The following GPCPD1 variants were observed in gnomAD, a reference collection of about 807,000 sequenced individuals.
The protein encoded by GPCPD1 is glycerophosphocholine phosphodiesterase 1.
Under a neutral mutation model 89.2 loss-of-function variants are expected in GPCPD1, and 29 were observed. That is an observed-to-expected ratio of 0.33 (90% CI 0.24 to 0.44). The LOEUF (loss-of-function observed/expected upper bound fraction) is 0.44, where lower values mean the gene tolerates loss of function less well. Among genes scored for constraint, GPCPD1 ranks in the 20% least tolerant of loss-of-function variants. The pLI is 1.00. For synonymous variants in GPCPD1, 258 were observed against 266.3 expected, an observed-to-expected ratio of 0.97 and a Z score of 0.30; for missense variants, 594 against 808.9, an observed-to-expected ratio of 0.73 and a Z score of 3.22.
intron 2 of GPCPD1, 114 bp from the exon 3 acceptor site, chr20:5,598,935 A>G (rs1047110890): frequency 3.7e-5 from 26 of 708,266 alleles, no homozygotes; most frequent in Non-Finnish European, 5.8e-5. Context: ...GCAGAGATGA[A>G]AGAGCCTCAC....
rs886506484 is a variant in GPCPD1, at chr20:5,580,044, G to A, written c.437C>T (p.Ser146Leu). ...TTTTTTTAATTTTTTCTTGGTTATT[G>A]ACACAGGAGGTTTTTCAGAATAATG... The part of the protein sequence containing the change: ...RLHYSEKPPV[S>L]ITKKKLKKSR... The change falls in exon 7 of 20, where the codon TCA becomes TTA. Residue 146 changes from serine (S) to leucine (L), a missense_variant. Transcript: ENST00000379019. 6.6e-7 allele frequency: 1 copy of A among 1,522,128 alleles called. No individual in the cohort carries two copies. Among genetic ancestry groups the A allele is most frequent in the Non-Finnish European group, 9.1e-7 (1 of 1,098,310 alleles). 94.3% of individuals were successfully genotyped at this position (1,522,128 alleles called of 1,614,324 possible).
intron 8 of GPCPD1, among the ~76,000 whole-genome samples, chr20:5,576,592 T>C (rs934377660): frequency 8.5e-5 from 13 of 152,178 alleles, no homozygotes; most frequent in African/African-American, 2.2e-4. Context: ...TTTTAAAATA[T>C]ATATTTTTTT....
chr20:5,554,531 A>G (rs192459652), intron 19 of GPCPD1, among the ~76,000 whole-genome samples: 48 of 152,358 alleles, frequency 3.2e-4, no homozygotes, highest in African/African-American at 1.1e-3. Flanking sequence ...GAAATGCAAC[A>G]AAGTCTGGAT....
At chr20:5,558,175 A>C (rs186747158) in intron 18 of GPCPD1, 70 bp from the exon 19 acceptor site, 34 of 898,976 alleles carry the variant, frequency 3.8e-5, no homozygotes, top group Non-Finnish European at 5.5e-5. Context: ...TCACACTCTA[A>C]ATCAGTGCTC....
At chr20:5,575,737 T>C (rs187322313) in intron 9 of GPCPD1, 79 bp downstream of exon 9, 76 of 992,092 alleles carry the variant, frequency 7.7e-5, no homozygotes, top group Admixed American at 5.6e-4. Flanking sequence ...TTCATCTTTA[T>C]CATTATCAAA....
chr20:5,593,854 G>T (rs763973667), intron 3 of GPCPD1, among the ~76,000 whole-genome samples: 1 of 152,148 alleles, frequency 6.6e-6, no homozygotes, highest in Non-Finnish European at 1.5e-5. Context: ...ACTTAGCGAG[G>T]GATGTTACAT....
intron 12 of GPCPD1, among the ~76,000 whole-genome samples, chr20:5,568,224 T>TACTTAGTATATATATATATATAC (rs1270638992): frequency 7.4e-6 from 1 of 135,970 alleles, no homozygotes; most frequent in East Asian, 2.3e-4. Context: ...CCAACAAATA[T>TACTTAGTATATATATATATATAC]ACTTAGTATA....
At chr20:5,584,107 T>C (rs931346398) in intron 6 of GPCPD1, among the ~76,000 whole-genome samples, 174 bp downstream of exon 6, 2 of 152,220 alleles carry the variant, frequency 1.3e-5, no homozygotes, top group African/African-American at 4.8e-5. Context: ...ATTTTTCAGC[T>C]TCATTATAAT....
In GPCPD1 at chr20:5,559,989, C is replaced by T. The variant is rs768495327; in HGVS notation, c.1483G>A (p.Gly495Arg). 2 of 1,570,548 alleles carry T rather than the reference C, an allele frequency of 1.3e-6. No individual in the cohort carries two copies. Among genetic ancestry groups the T allele is most frequent in the East Asian group, 2.3e-5 (1 of 43,848 alleles). The change falls in exon 17 of 20, where the codon GGG becomes AGG. Residue 495 changes from glycine to arginine, a missense_variant. By Grantham distance (125) the Gly-to-Arg change is moderately radical. Coordinates refer to ENST00000379019, the MANE Select transcript of GPCPD1 (RefSeq NM_019593.5). ...IILKTVLENS[G>R]KRRIVFSSFD... is the part of the protein sequence containing the mutation. ...GAAGAAAACACTATTCTCCTCTTCC[C>T]AGAATTTTCTAAAACAGTTTTTAAA...
At chr20:5,581,517 C>T (rs531163507) in intron 6 of GPCPD1, among the ~76,000 whole-genome samples, 33 of 152,122 alleles carry the variant, frequency 2.2e-4, no homozygotes, top group African/African-American at 7.7e-4. Context: ...CCACTAGTGC[C>T]GGGGGTGTGA....
rs1302157177 is a variant in GPCPD1 at position 5,576,389 on chromosome 20, C to T, written c.706-411G>A. ...AAGCTGAGATCGTACCACTGCACTC[C>T]AGCCTGGACAACAGAGCAACACTCC... On this transcript the variant is annotated intron_variant, in intron 8 of 19. Coordinates refer to ENST00000379019, the MANE Select transcript of GPCPD1 (RefSeq NM_019593.5). 6.9e-5 allele frequency among the ~76,000 whole-genome samples: 10 copies of T among 144,358 alleles called. No homozygotes were observed. In the East Asian group the frequency reaches 1.4e-3, roughly 21 times the overall value. The allele number at this position is 144,358 out of a possible 152,430, so 94.7% of individuals were successfully genotyped here. A position where few individuals can be genotyped will look rare whatever the true frequency, so the allele number is the denominator to read the frequency against.
At chr20:5,566,681 C>A in intron 14 of GPCPD1, 52 bp downstream of exon 14, 1 of 1,066,244 alleles carries the variant, frequency 9.4e-7, no homozygotes, top group Non-Finnish European at 1.5e-6. Context: ...TTTTAAAAAT[C>A]CTATTAATGC....
At chr20:5,594,392 C>T (rs1274502837) in intron 3 of GPCPD1, among the ~76,000 whole-genome samples, 1 of 152,068 alleles carries the variant, frequency 6.6e-6, no homozygotes, top group East Asian at 1.9e-4. Context: ...CGGGTTCATG[C>T]TATTCTCCCA....
At chr20:5,554,919 C>G (rs1340058206) in intron 19 of GPCPD1, among the ~76,000 whole-genome samples, 1 of 152,162 alleles carries the variant, frequency 6.6e-6, no homozygotes, top group Non-Finnish European at 1.5e-5. Context: ...TTGGAAGAAG[C>G]TGATATCAAT....
At chr20:5,573,489 C>CA (rs1555805646) in intron 11 of GPCPD1, among the ~76,000 whole-genome samples, 1 of 152,174 alleles carries the variant, frequency 6.6e-6, no homozygotes, top group Non-Finnish European at 1.5e-5. Context: ...TTCAGATACT[C>CA]ACTTTGGAAA....
chr20:5,586,265 A>G lies in GPCPD1; in HGVS notation c.236T>C (p.Ile79Thr), dbSNP rs2122721807. The change falls in exon 5 of 20, where the codon ATC becomes ACC. Residue 79 changes from isoleucine (I) to threonine (T), a missense_variant. Coordinates refer to ENST00000379019, the MANE Select transcript of GPCPD1 (RefSeq NM_019593.5). ...FKGYFLEPKTIGGPCQVIVHK... is the reference protein window; with the variant it reads ...FKGYFLEPKTTGGPCQVIVHK... ...AACTATCACTTGACATGGACCACCG[A>G]TAGTCTGCAATTTAAAAGTTAAACG... 6.4e-7 allele frequency: 1 copy of G among 1,569,498 alleles called. No homozygotes were observed. The highest frequency in any genetic ancestry group is 2.2e-5 in the East Asian group (1 of 44,618).
intron 19 of GPCPD1, chr20:5,548,873 C>A (rs1469877289): frequency 3.0e-6 from 3 of 990,786 alleles, no homozygotes; most frequent in Non-Finnish European, 4.2e-6. Context: ...TACTCCTAAT[C>A]CCCCTGTGAA....
intron 1 of GPCPD1, among the ~76,000 whole-genome samples, chr20:5,608,396 C>T (rs1189232957): frequency 6.6e-6 from 1 of 152,092 alleles, no homozygotes; most frequent in African/African-American, 2.4e-5. Flanking sequence ...CCACCCTGAG[C>T]GCCCCCCTCC....
intron 7 of GPCPD1, among the ~76,000 whole-genome samples, chr20:5,579,468 C>CT (rs1978323056): frequency 6.6e-6 from 1 of 152,206 alleles, no homozygotes; most frequent in African/African-American, 2.4e-5. Flanking sequence ...CTGCCTCAGC[C>CT]TCCCAAGCAG....
Sources: allele counts gnomAD v4.1 joint callset (sites outside exome capture counted in the v4.1 genomes callset), GRCh38; gene constraint gnomAD v4.1.1; transcripts MANE v1.5; gene names NCBI Gene and HGNC (gene_info 2026-07-23, HGNC 2026-07-21).